The following MUC6 variants were observed in gnomAD, a reference collection of about 807,000 sequenced individuals.
MUC6 encodes the protein mucin 6, oligomeric mucus/gel-forming (gene/pseudogene), also known as mucin-6.
Under a neutral mutation model 201.5 loss-of-function variants are expected in MUC6, and 188 were observed. The observed-to-expected ratio is 0.93, with a 90% CI of 0.83 to 1.05. The LOEUF (loss-of-function observed/expected upper bound fraction) is 1.05. MUC6 is among the 50% of genes least tolerant of loss of function. MUC6 has a pLI of 0.00. For missense variants in MUC6, 2,706 were observed against 3,256.9 expected, an observed-to-expected ratio of 0.83 and a Z score of 4.12; for synonymous variants, 1,228 against 1,389.4, an observed-to-expected ratio of 0.88 and a Z score of 2.58.
Position 1,030,327 on chromosome 11 carries a change from G to A in MUC6, c.901C>T (p.Gln301Ter), listed in dbSNP as rs1857070333. Residue 301 changes from glutamine (Q) to a stop codon, truncating the protein, a stop_gained, in exon 8 of 33, where the codon CAG becomes TAG. Transcript: ENST00000421673. LOFTEE classifies it high-confidence loss of function. ...WRSPGLCSVG[Q>*]CPANQVYQEC... The stretch of plus-strand genomic sequence containing the variant: ...TGGTACACCTGGTTGGCCGGGCACT[G>A]ACCCACGGCTGTGGGCACACGCGGC... The A allele has an allele frequency of 6.5e-7, 1 of 1,548,260 alleles. No individual in the cohort carries two copies. The highest frequency in any genetic ancestry group is 2.4e-5 in the East Asian group (1 of 40,908).
Position 1,018,768 on chromosome 11 carries a change from T to G in MUC6, c.4033A>C (p.Lys1345Gln). 6.4e-7 allele frequency: 1 copy of G among 1,558,276 alleles called. No individual in the cohort carries two copies. Among genetic ancestry groups the G allele is most frequent in the Non-Finnish European group, 8.6e-7 (1 of 1,156,500 alleles). ...CCTGGCAGTTCCTGATTGGTCGATT[T>G]TGCTGTGGGAATTGGTGAAGTTGTC... is the stretch of plus-strand genomic sequence containing the variant. ...ATSGTSPTLP[K>Q]STNQELPGTT... The change falls in exon 31 of 33, where the codon AAA becomes CAA. Residue 1345 changes from lysine to glutamine, a missense_variant and splice_region_variant. Around this residue, in one of 10 missense-constraint regions of MUC6, gnomAD observed 1,850 missense variants for 1,958.3 expected, o/e 0.94. Transcript: ENST00000421673.
Position 1,027,343 on chromosome 11 carries a change from G to A in MUC6, c.2156C>T (p.Ala719Val), listed in dbSNP as rs1343473466. 6.2e-7 allele frequency: 1 copy of A among 1,612,980 alleles called. No individual in the cohort carries two copies. The highest frequency in any genetic ancestry group is 1.7e-5 in the Admixed American group (1 of 60,024). ...ACCCTCCAGTATGCACGGGCACTGG[G>A]CCTTGCGCACACACTCGCCCTTTTG... ...LNQKGECVRK[A>V]QCPCILEGYK... Residue 719 changes from alanine (A) to valine (V), a missense_variant, in exon 17 of 33, where the codon GCC (alanine) becomes GTC (valine). Around this residue, in one of 10 missense-constraint regions of MUC6, gnomAD observed 1,850 missense variants for 1,958.3 expected, o/e 0.94. Transcript: ENST00000421673.
chr11:1,014,260 C>T (rs1266519212), intron 31 of MUC6, among the ~76,000 whole-genome samples: 2 of 152,286 alleles, frequency 1.3e-5, no homozygotes, highest in Non-Finnish European at 2.9e-5. Context: ...GCGGACTCAG[C>T]AGATACTGAG....
At position 1,033,625 on chromosome 11, in the gene MUC6, T is replaced by A. The variant is rs138187182; in HGVS notation, c.53-550A>T. ...ATGTCAGGCCTGGCACTGAGGCCAC[T>A]GTTGTCAGAGAAACATCCAGATAGC... On this transcript the variant is annotated intron_variant, in intron 1 of 32. Coordinates refer to ENST00000421673, the MANE Select transcript of MUC6 (RefSeq NM_005961.3). This position sits in a 1 kb window ranked among gnomAD's most constrained non-coding sequence, Gnocchi z 5.6. 4.1e-4 allele frequency among the ~76,000 whole-genome samples: 63 copies of A among 152,144 alleles called. 1 individual carries two copies. Among genetic ancestry groups the A allele is most frequent in the Non-Finnish European group, 7.1e-4 (48 of 67,968 alleles).
Position 1,030,339 on chromosome 11 carries a change from T to C in MUC6, c.893-4A>G. On this transcript the variant is annotated splice_polypyrimidine_tract_variant and splice_region_variant and intron_variant, in intron 7 of 32. Transcript: ENST00000421673. Reference sequence around the variant, plus strand: ...TTGGCCGGGCACTGACCCACGGCTGTGGGCACACGCGGCTCCGGTGAGAGG... The same window carrying C: ...TTGGCCGGGCACTGACCCACGGCTGCGGGCACACGCGGCTCCGGTGAGAGG... 6.5e-7 allele frequency: 1 copy of C among 1,547,514 alleles called. No homozygotes were observed. The highest frequency in any genetic ancestry group is 1.4e-5 in the African/African-American group (1 of 73,102).
Position 1,028,965 on chromosome 11 carries a change from G to T in MUC6, c.1381-4C>A. Reference sequence around the variant, plus strand: ...CCTGAGAGATCACAATTTTGTCCTGGAGAGAGGGTGGCCTGAGTCAGGGTG... The same window carrying T: ...CCTGAGAGATCACAATTTTGTCCTGTAGAGAGGGTGGCCTGAGTCAGGGTG... On this transcript the variant is annotated splice_region_variant and splice_polypyrimidine_tract_variant and intron_variant, in intron 11 of 32. Transcript: ENST00000421673. The T allele has an allele frequency of 6.2e-7, 1 of 1,613,162 alleles. No individual in the cohort carries two copies. Among genetic ancestry groups the T allele is most frequent in the Non-Finnish European group, 8.5e-7 (1 of 1,179,880 alleles).
Position 1,031,737 on chromosome 11 carries a change from T to G in MUC6, c.357-4A>C. The G allele has an allele frequency of 6.5e-7, 1 of 1,550,306 alleles. No homozygotes were observed. Among genetic ancestry groups the G allele is most frequent in the Non-Finnish European group, 8.7e-7 (1 of 1,146,724 alleles). The stretch of plus-strand genomic sequence containing the variant: ...GGTATAGGGCAGGCTGATGACCCTG[T>G]GGGGCAAGGGAAGTCGGTGGTCGAT... On this transcript the variant is annotated splice_polypyrimidine_tract_variant and splice_region_variant and intron_variant, in intron 3 of 32. Transcript: ENST00000421673.
At chr11:1,014,081 G>A in intron 31 of MUC6, 80 bp from the exon 32 acceptor site, 1 of 1,260,410 alleles carries the variant, frequency 7.9e-7, no homozygotes, top group African/African-American at 1.5e-5. Context: ...TAGAGACCGG[G>A]GTCCCCACCT....
In MUC6 at chr11:1,026,352, C is replaced by T; in HGVS notation, c.2521G>A (p.Glu841Lys). The stretch of plus-strand genomic sequence containing the variant: ...CAGGTCCTGCAGTCAGTGTGGAGCT[C>T]AGCTCCTCCAGGGTAGGAGACCCCC... ...FSGVSYPGGAELHTDCRTCSC... is the reference protein window; with the variant it reads ...FSGVSYPGGAKLHTDCRTCSC... Residue 841 changes from glutamate to lysine, a missense_variant, in exon 20 of 33, where the codon GAG becomes AAG. Coordinates refer to ENST00000421673, the MANE Select transcript of MUC6 (RefSeq NM_005961.3). The T allele has an allele frequency of 6.3e-7, 1 of 1,595,556 alleles. No homozygotes were observed. The highest frequency in any genetic ancestry group is 8.5e-7 in the Non-Finnish European group (1 of 1,171,456).
Position 1,025,924 on chromosome 11 carries a change from A to G in MUC6, c.2689-9T>C. 2 of 1,606,194 alleles carry G rather than the reference A, an allele frequency of 1.2e-6. No homozygotes were observed. The highest frequency in any genetic ancestry group is 1.7e-6 in the Non-Finnish European group (2 of 1,176,834). ...TTGACACCACAGACGTCCTGCAGGG[A>G]GAGGGCGCTGAGGAGGAGCCCTGGA... On this transcript the variant is annotated splice_polypyrimidine_tract_variant and intron_variant, in intron 21 of 32. Transcript: ENST00000421673.
Position 1,013,182 on chromosome 11 carries a change from T to G in MUC6, c.*274A>C. The stretch of plus-strand genomic sequence containing the variant: ...GGTGTTGGACGGTGGGCAGGGGTGG[T>G]CGGGAGTGCCCTGTGTGCCTGGGAG... On this transcript the variant is annotated 3_prime_UTR_variant, in exon 33 of 33. Transcript: ENST00000421673. 2.0e-6 allele frequency: 1 copy of G among 502,772 alleles called. No individual in the cohort carries two copies. Among genetic ancestry groups the G allele is most frequent in the Non-Finnish European group, 3.5e-6 (1 of 286,032 alleles). 31.1% of individuals were successfully genotyped at this position (502,772 alleles called of 1,614,324 possible).
chr11:1,019,369 G>A lies in MUC6; in HGVS notation c.3936C>T (p.Thr1312=), dbSNP rs374926429. 1.1e-4 allele frequency: 185 copies of A among 1,613,686 alleles called. No homozygotes were observed. Among genetic ancestry groups the A allele is most frequent in the Middle Eastern group, 1.6e-4 (1 of 6,084 alleles). Residue 1312 remains threonine, a synonymous_variant, in exon 30 of 33, where the codon ACC becomes ACT. Transcript: ENST00000421673. ...TQATTRATAS[T]ASPATTSTAQ... ...CTGTGGACGTCGTGGCTGGGCTGGC[G>A]GTCGACGCCGTGGCCCTGGTTGTGG... is the stretch of plus-strand genomic sequence containing the variant.
chr11:1,016,103 A>G lies in MUC6; in HGVS notation c.6698T>C (p.Val2233Ala). 6.2e-7 allele frequency: 1 copy of G among 1,613,196 alleles called. No homozygotes were observed. Among genetic ancestry groups the G allele is most frequent in the Non-Finnish European group, 8.5e-7 (1 of 1,179,430 alleles). The change falls in exon 31 of 33, where the codon GTG becomes GCG. Residue 2233 changes from valine to alanine, a missense_variant. Val to Ala is a moderately conservative substitution (Grantham distance 64). Coordinates refer to ENST00000421673, the MANE Select transcript of MUC6 (RefSeq NM_005961.3). ...TAGGTGGCTGGATGGGGTGGGAGAC[A>G]CGGTAACAGTGGATATGGGGAGTAG... The part of the protein sequence containing the change: ...SALLPISTVT[V>A]SPTPSSHLAS...
chr11:1,024,821 C>G lies in MUC6; in HGVS notation c.3225+23G>C, dbSNP rs202101748. ...GGACATTTGTGGAGGGGCAGGCGCA[C>G]AGCCCTCGTGCCCGGTGCCCACCTT... On this transcript the variant is annotated intron_variant, in intron 24 of 32. Coordinates refer to ENST00000421673, the MANE Select transcript of MUC6 (RefSeq NM_005961.3). 1.4e-4 allele frequency: 218 copies of G among 1,599,918 alleles called. No individual in the cohort carries two copies. In the African/African-American group the frequency reaches 2.7e-3, roughly 20 times the overall value.
At chr11:1,022,118 C>T (rs1282123058) in intron 26 of MUC6, among the ~76,000 whole-genome samples, 12 of 145,086 alleles carry the variant, frequency 8.3e-5, no homozygotes, top group African/African-American at 2.6e-4. Flanking sequence ...TGCAGCCCCG[C>T]GCCCCTCACT....
intron 31 of MUC6, among the ~76,000 whole-genome samples, chr11:1,014,271 C>T (rs1224286942): frequency 2.0e-5 from 3 of 152,254 alleles, no homozygotes; most frequent in Non-Finnish European, 4.4e-5. Context: ...AGATACTGAG[C>T]CCTGGGCCTG....
intron 3 of MUC6, 32 bp downstream of exon 3, chr11:1,031,781 C>CGA: frequency 6.4e-7 from 1 of 1,559,140 alleles, no homozygotes; most frequent in Non-Finnish European, 8.7e-7. Flanking sequence ...CTCCGGCCCC[C>CGA]GAGCCCCCGG....
rs1275942408 is a variant in MUC6, at chr11:1,033,520, A to C, written c.53-445T>G. 6.7e-6 allele frequency among the ~76,000 whole-genome samples: 1 copy of C among 149,842 alleles called. No homozygotes were observed. Among genetic ancestry groups the C allele is most frequent in the Non-Finnish European group, 1.5e-5 (1 of 67,468 alleles). ...TGAGGGGTCTGCGCCAAGGCCCCAC[A>C]GCCGGTTCTCCCTGCTCTCGGTGGC... On this transcript the variant is annotated intron_variant, in intron 1 of 32. Transcript: ENST00000421673. The surrounding 1 kb of genome is among the most constrained non-coding windows in gnomAD (Gnocchi z 5.6).
In MUC6 at chr11:1,031,842, G is replaced by T. The variant is rs771887021; in HGVS notation, c.327C>A (p.Ser109Arg). The T allele has an allele frequency of 1.9e-6, 3 of 1,611,100 alleles. No homozygotes were observed. Among genetic ancestry groups the T allele is most frequent in the African/African-American group, 1.3e-5 (1 of 74,848 alleles). Residue 109 changes from serine to arginine, a missense_variant, in exon 3 of 33, where the codon AGC (serine) becomes AGA (arginine). This residue lies in a region of MUC6 where 1,850 missense variants were observed against 1,958.3 expected (regional missense o/e 0.94). Coordinates refer to ENST00000421673, the MANE Select transcript of MUC6 (RefSeq NM_005961.3). The part of the protein sequence containing the change: ...VELGASVVTV[S>R]EAIISVKDIG... ...TGTCCTTGACTGAGATGATGGCTTC[G>T]CTCACAGTGACGACGGAGGCCCCCA...
Sources: gnomAD v4.1 joint callset for allele counts (sites outside exome capture counted in the v4.1 genomes callset) on GRCh38, gnomAD v4.1.1 for gene constraint, gnomAD v4.1.1 regional missense constraint, Gnocchi (gnomAD v3.1) non-coding constraint, MANE v1.5 for transcripts, NCBI Gene and HGNC (gene_info 2026-07-23, HGNC 2026-07-21) for gene names.